TERF1: variants seen among roughly 807,000 people sequenced by gnomAD.
The protein encoded by TERF1 is telomeric repeat-binding factor 1.
A neutral mutation model predicts 55.1 loss-of-function variants in TERF1; 20 were observed. That is an observed-to-expected ratio of 0.36 (90% confidence interval 0.26 to 0.53). TERF1 has a LOEUF of 0.53. Among genes scored for constraint, TERF1 ranks in the 20% least tolerant of loss-of-function variants. The pLI, the probability that TERF1 is intolerant of heterozygous loss-of-function variation, is 0.91. For missense variants in TERF1, 439 were observed against 535.7 expected, an observed-to-expected ratio of 0.82 and a Z score of 1.78; for synonymous variants, 168 against 181.2, an observed-to-expected ratio of 0.93 and a Z score of 0.59.
At chr8:73,039,067 T>A (rs1466453168) in intron 8 of TERF1, 49 bp from the exon 9 acceptor site, 1 of 1,217,624 alleles carries the variant, frequency 8.2e-7, no homozygotes, top group Admixed American at 2.6e-5. Flanking sequence ...AATTGCTCTT[T>A]TTTCTTTAAT....
chr8:73,044,422 G>T (rs1331450853), intron 9 of TERF1, among the ~76,000 whole-genome samples: 2 of 152,092 alleles, frequency 1.3e-5, no homozygotes, highest in African/African-American at 4.8e-5. Flanking sequence ...CAACTTTTTG[G>T]TACTGAGTCA....
At chr8:73,009,229 C>T (rs577204133) in intron 1 of TERF1, 24 bp downstream of exon 1, 17 of 1,587,702 alleles carry the variant, frequency 1.1e-5, no homozygotes, top group African/African-American at 1.3e-5. Flanking sequence ...GCGTCCGGGC[C>T]GGGACTACGC....
rs1435959264 is a variant in TERF1 at position 73,046,764 on chromosome 8, G to A, written c.*627G>A. On this transcript the variant is annotated 3_prime_UTR_variant, in exon 10 of 10. Coordinates refer to ENST00000276603, the MANE Select transcript of TERF1 (RefSeq NM_017489.3). Reference sequence around the variant, plus strand: ...CCACCTCGGCCTCCCAAAGTGCTGAGATTACAGACGTGAGCCACTGCGTCC... The same window carrying A: ...CCACCTCGGCCTCCCAAAGTGCTGAAATTACAGACGTGAGCCACTGCGTCC... The A allele has an allele frequency of 6.6e-6, 1 of 152,144 alleles. No homozygotes were observed. Among genetic ancestry groups the A allele is most frequent in the Non-Finnish European group, 1.5e-5 (1 of 68,032 alleles). 9.4% of individuals were successfully genotyped at this position (152,144 alleles called of 1,614,324 possible). A position where few individuals can be genotyped will look rare whatever the true frequency, so the allele number is the denominator to read the frequency against.
chr8:73,011,182 T>C (rs966254911), intron 1 of TERF1: 5 of 152,266 alleles, frequency 3.3e-5, no homozygotes, highest in Non-Finnish European at 5.9e-5. Flanking sequence ...AAGTTAGGCA[T>C]TGACTTCTCT....
chr8:73,024,985 T>A lies in TERF1; in HGVS notation c.774+14T>A, dbSNP rs1292504176. 6.8e-7 allele frequency: 1 copy of A among 1,465,978 alleles called. No individual in the cohort carries two copies. Among genetic ancestry groups the A allele is most frequent in the Middle Eastern group, 1.7e-4 (1 of 5,724 alleles). 90.8% of individuals were successfully genotyped at this position (1,465,978 alleles called of 1,614,324 possible). ...TTTCTAATGAAGGTATACATATTAT[T>A]CAAGAGTGACTAATAATAGACTTAA... On this transcript the variant is annotated intron_variant, in intron 5 of 9. Transcript: ENST00000276603.
intron 8 of TERF1, among the ~76,000 whole-genome samples, chr8:73,036,577 A>G (rs1809520249): frequency 1.3e-5 from 2 of 151,770 alleles, no homozygotes; most frequent in African/African-American, 4.8e-5. Context: ...TTCACAGGGT[A>G]TTGGTTCCAG....
intron 2 of TERF1, among the ~76,000 whole-genome samples, chr8:73,016,127 A>T (rs1168391211): frequency 2.6e-5 from 4 of 152,198 alleles, no homozygotes; most frequent in Non-Finnish European, 5.9e-5. Context: ...TCTTAAAAAA[A>T]ATCAAATGAG....
chr8:73,039,057 A>T (rs1439489433), intron 8 of TERF1, 59 bp from the exon 9 acceptor site: 12 of 1,105,638 alleles, frequency 1.1e-5, no homozygotes, highest in Admixed American at 2.7e-5. Flanking sequence ...TTAAAAATAT[A>T]ATTGCTCTTT....
At chr8:73,037,502 A>G (rs1809590567) in intron 8 of TERF1, among the ~76,000 whole-genome samples, 1 of 123,058 alleles carries the variant, frequency 8.1e-6, no homozygotes, top group Admixed American at 1.1e-4. Context: ...TAATAAATTT[A>G]TATATTTGGA....
At position 73,032,996 on chromosome 8, in the gene TERF1, T is replaced by A. The variant is rs1809354808; in HGVS notation, c.1039+863T>A. Among the ~76,000 whole-genome samples, 4 of 150,962 alleles carry A rather than the reference T, an allele frequency of 2.6e-5. No individual in the cohort carries two copies. The South Asian group carries it at 8.4e-4, about 32-fold the overall frequency. ...AACTCGTCATTTAGCATTAGGTATA[T>A]CTCCTAATGCTATCCCTCCCCCCTC... On this transcript the variant is annotated intron_variant, in intron 8 of 9. Transcript: ENST00000276603.
In TERF1 at chr8:73,009,085, G is replaced by C; in HGVS notation, c.199G>C (p.Val67Leu). Residue 67 changes from valine to leucine, a missense_variant, in exon 1 of 10, where the codon GTG (valine) becomes CTG (leucine). Val to Leu is a conservative substitution (Grantham distance 32). Coordinates refer to ENST00000276603, the MANE Select transcript of TERF1 (RefSeq NM_017489.3). Reference protein sequence around the residue: ...EEEEEEDAGLVAEAEAVAAGW... With the variant: ...EEEEEEDAGLLAEAEAVAAGW... ...GGAGGAGGAGGAGGACGCGGGCCTGGTGGCCGAGGCCGAGGCCGTGGCTGC... is the reference window on the plus strand; with the variant it reads ...GGAGGAGGAGGAGGACGCGGGCCTGCTGGCCGAGGCCGAGGCCGTGGCTGC... The C allele has an allele frequency of 6.2e-7, 1 of 1,609,872 alleles. No homozygotes were observed. The highest frequency in any genetic ancestry group is 1.1e-5 in the South Asian group (1 of 90,772).
chr8:73,021,239 T>A (rs939591778), intron 3 of TERF1, among the ~76,000 whole-genome samples: 2 of 152,182 alleles, frequency 1.3e-5, no homozygotes, highest in Non-Finnish European at 2.9e-5. Flanking sequence ...CTTTCTTAGT[T>A]AAATAAACTT....
intron 7 of TERF1, chr8:73,030,800 C>T (rs1369520699): frequency 1.9e-5 from 3 of 153,878 alleles, no homozygotes; most frequent in Non-Finnish European, 4.3e-5. Flanking sequence ...AATAGAATCG[C>T]TGTGACAGAC....
At chr8:73,032,203 T>C in intron 8 of TERF1, 70 bp downstream of exon 8, 2 of 1,119,098 alleles carry the variant, frequency 1.8e-6, no homozygotes, top group Non-Finnish European at 2.6e-6. Flanking sequence ...CCATTGACTT[T>C]ACCACTATAG....
chr8:73,015,227 T>C (rs1563456184), intron 2 of TERF1, among the ~76,000 whole-genome samples: 1 of 151,990 alleles, frequency 6.6e-6, no homozygotes, highest in Non-Finnish European at 1.5e-5. Context: ...CTGTCAAGAA[T>C]CAATGTATTT....
At chr8:73,042,856 T>G (rs1490200766) in intron 9 of TERF1, 1 of 152,212 alleles carries the variant, frequency 6.6e-6, no homozygotes, top group Non-Finnish European at 1.5e-5. Context: ...TGTTAAGATT[T>G]TGTATTTGAT....
At chr8:73,014,474 T>TTGA (rs1193979250) in intron 2 of TERF1, among the ~76,000 whole-genome samples, 2 of 152,206 alleles carry the variant, frequency 1.3e-5, no homozygotes, top group African/African-American at 2.4e-5. Context: ...TTATTTGAAC[T>TTGA]TGATGCCAGC....
At chr8:73,010,567 T>C (rs1563453128) in intron 1 of TERF1, 1 of 152,244 alleles carries the variant, frequency 6.6e-6, no homozygotes, top group Non-Finnish European at 1.5e-5. Context: ...CTAACTCTAG[T>C]AACAATGAGT....
At chr8:73,037,802 A>AAT (rs1255651329) in intron 8 of TERF1, among the ~76,000 whole-genome samples, 16 of 99,458 alleles carry the variant, frequency 1.6e-4, no homozygotes, top group Admixed American at 1.6e-4. Flanking sequence ...ATAGTATAAT[A>AAT]ATATATATAT....
Sources: allele counts gnomAD v4.1 joint callset (sites outside exome capture counted in the v4.1 genomes callset), GRCh38; gene constraint gnomAD v4.1.1; transcripts MANE v1.5; gene names NCBI Gene and HGNC (gene_info 2026-07-23, HGNC 2026-07-21).